The following NXN variants were observed in gnomAD, a reference collection of about 807,000 sequenced individuals.
NXN encodes nucleoredoxin 1.
In NXN, 16 loss-of-function variants were observed where a neutral mutation model predicts 48.6. The observed-to-expected ratio is 0.33, with a 90% CI of 0.22 to 0.50. The LOEUF is 0.50. Ranked by LOEUF, NXN falls within the 20% of genes least tolerant of loss-of-function variation. The pLI is 0.98. For missense variants in NXN, 492 were observed against 605.5 expected, an observed-to-expected ratio of 0.81 and a Z score of 1.97; for synonymous variants, 281 against 269.6, an observed-to-expected ratio of 1.04 and a Z score of -0.41.
intron 5 of NXN, among the ~76,000 whole-genome samples, chr17:812,966 T>C (rs964946854): frequency 6.9e-6 from 1 of 145,724 alleles, no homozygotes; most frequent in Non-Finnish European, 1.5e-5. Context: ...GTGTGCATGT[T>C]TGTAGGTGTG....
chr17:959,352 C>T (rs984916932), intron 1 of NXN: 9 of 234,092 alleles, frequency 3.8e-5, no homozygotes, highest in African/African-American at 6.9e-5. Flanking sequence ...GCTGGGAGTA[C>T]GTGGAGTCGC....
chr17:863,835 C>T lies in NXN; in HGVS notation c.361-37757G>A, dbSNP rs566598105. 1.6e-4 allele frequency: 133 copies of T among 834,202 alleles called. No individual in the cohort carries two copies. The East Asian group carries it at 2.7e-3, about 17-fold the overall frequency. The allele number at this position is 834,202 out of a possible 1,614,324, so 51.7% of individuals were successfully genotyped here. On this transcript the variant is annotated intron_variant, in intron 1 of 7. Transcript: ENST00000336868. Reference sequence around the variant, plus strand: ...AATGGACCCTTGCAATTCAAATCCACGTCATTCAAGGATCAACTGTCCTTC... The same window carrying T: ...AATGGACCCTTGCAATTCAAATCCATGTCATTCAAGGATCAACTGTCCTTC...
At chr17:891,705 CAGCCCAACAGGG>C (rs2068418525) in intron 1 of NXN, among the ~76,000 whole-genome samples, 1 of 152,146 alleles carries the variant, frequency 6.6e-6, no homozygotes, top group African/African-American at 2.4e-5. Flanking sequence ...TCACCATGCA[CAGCCCAACAGGG>C]AACCTAAGCT....
chr17:817,147 T>A (rs1294196578), intron 5 of NXN, among the ~76,000 whole-genome samples: 1 of 152,040 alleles, frequency 6.6e-6, no homozygotes, highest in African/African-American at 2.4e-5. Context: ...ACTCCAAGTG[T>A]GGTCCATGGG....
intron 1 of NXN, among the ~76,000 whole-genome samples, chr17:947,602 A>G (rs969805394): frequency 2.0e-5 from 3 of 151,938 alleles, no homozygotes; most frequent in Non-Finnish European, 2.9e-5. Flanking sequence ...GAGTGGTGGC[A>G]CGTGCCTGTA....
At chr17:844,450 C>A (rs2067837683) in intron 1 of NXN, among the ~76,000 whole-genome samples, 1 of 148,350 alleles carries the variant, frequency 6.7e-6, no homozygotes, top group African/African-American at 2.4e-5. Context: ...ACCAGTTCAC[C>A]CTAACCCCAG....
intron 1 of NXN, among the ~76,000 whole-genome samples, chr17:931,201 T>G (rs957295454): frequency 2.0e-5 from 3 of 150,928 alleles, no homozygotes; most frequent in Non-Finnish European, 4.4e-5. Flanking sequence ...GTGGGAGAAT[T>G]GCCTGAGCCT....
At chr17:845,587 CT>C (rs2067851326) in intron 1 of NXN, among the ~76,000 whole-genome samples, 1 of 152,248 alleles carries the variant, frequency 6.6e-6, no homozygotes, top group Non-Finnish European at 1.5e-5. Flanking sequence ...CACTTTGTAT[CT>C]TCAGTGCCTT....
rs563363389 is a variant in NXN at position 913,823 on chromosome 17, CACTT to C, written c.360+65492_360+65495del. 1.9e-4 allele frequency among the ~76,000 whole-genome samples: 29 copies of C among 152,360 alleles called. 1 individual carries two copies. In the South Asian group the frequency reaches 2.3e-3, roughly 12 times the overall value. On this transcript the variant is annotated intron_variant, in intron 1 of 7. Coordinates refer to ENST00000336868, the MANE Select transcript of NXN (RefSeq NM_022463.5). ...CTTTCCATCTACACTGGCATAAACT[CACTT>C]ACTTAAGTGCAAGGACATTCATTAT... is the stretch of plus-strand genomic sequence containing the variant.
rs982692243 is a variant in NXN at position 800,976 on chromosome 17, T to C, written c.1281A>G (p.Ala427=). Residue 427 remains alanine, a synonymous_variant, in exon 8 of 8, where the codon GCA becomes GCG. Coordinates refer to ENST00000336868, the MANE Select transcript of NXN (RefSeq NM_022463.5). ...AGATGGGCTCCGGTTTGAGCTTCTC[T>C]GCTAGGAAGTCATTCACAAAGGCCT... The part of the protein sequence containing the change: ...IVEAFVNDFL[A]EKLKPEPI 2 of 1,522,642 alleles carry C rather than the reference T, an allele frequency of 1.3e-6. No homozygotes were observed. The highest frequency in any genetic ancestry group is 1.4e-5 in the African/African-American group (1 of 71,178). The allele number at this position is 1,522,642 out of a possible 1,614,324, so 94.3% of individuals were successfully genotyped here.
At chr17:822,838 G>A (rs1288448742) in intron 3 of NXN, among the ~76,000 whole-genome samples, 4 of 152,178 alleles carry the variant, frequency 2.6e-5, no homozygotes, top group African/African-American at 7.2e-5. Flanking sequence ...AGTGGCTCAC[G>A]CCTGTCACCC....
chr17:881,564 TG>T (rs2068284533), intron 1 of NXN, among the ~76,000 whole-genome samples: 1 of 150,580 alleles, frequency 6.6e-6, no homozygotes, highest in Non-Finnish European at 1.5e-5. Context: ...GTCCATCTTA[TG>T]AAGGTAAATG....
At chr17:822,507 C>T (rs1172515512) in intron 3 of NXN, 50 bp from the exon 4 acceptor site, 1 of 1,379,904 alleles carries the variant, frequency 7.2e-7, no homozygotes, top group African/African-American at 1.4e-5. Flanking sequence ...TTCTCCACCT[C>T]CCAGCCACTC....
chr17:955,237 A>G (rs998631919), intron 1 of NXN, among the ~76,000 whole-genome samples: 1 of 141,110 alleles, frequency 7.1e-6, no homozygotes, highest in African/African-American at 2.7e-5. Context: ...CTATGTTCTC[A>G]GCTCACTGCA....
At chr17:924,506 G>A (rs757563827) in intron 1 of NXN, among the ~76,000 whole-genome samples, 3 of 152,234 alleles carry the variant, frequency 2.0e-5, no homozygotes, top group African/African-American at 4.8e-5. Context: ...CGAAGTGCTA[G>A]GATTACAGGG....
At chr17:913,721 G>C (rs944877854) in intron 1 of NXN, among the ~76,000 whole-genome samples, 2 of 151,930 alleles carry the variant, frequency 1.3e-5, no homozygotes, top group African/African-American at 4.8e-5. Context: ...TTTCTCTCCT[G>C]GCACCTGCTC....
intron 1 of NXN, among the ~76,000 whole-genome samples, chr17:934,429 C>G (rs1046385916): frequency 1.4e-5 from 2 of 144,040 alleles, no homozygotes; most frequent in African/African-American, 5.1e-5. Flanking sequence ...CTGGGCAACA[C>G]AACGAGACTC....
At chr17:966,590 G>A (rs1032797800) in intron 1 of NXN, among the ~76,000 whole-genome samples, 8 of 151,570 alleles carry the variant, frequency 5.3e-5, no homozygotes, top group Admixed American at 4.6e-4. Flanking sequence ...CAGGGGATCC[G>A]TCGACTTCAG....
intron 1 of NXN, among the ~76,000 whole-genome samples, chr17:863,374 A>G (rs2068060964): frequency 1.3e-5 from 2 of 151,838 alleles, no homozygotes; most frequent in South Asian, 2.1e-4. Flanking sequence ...TCACCGTGTG[A>G]GCCAGGATGG....
Sources: allele counts gnomAD v4.1 joint callset (sites outside exome capture counted in the v4.1 genomes callset), GRCh38; gene constraint gnomAD v4.1.1; transcripts MANE v1.5; gene names NCBI Gene and HGNC (gene_info 2026-07-23, HGNC 2026-07-21).